Variants in PEAK1 observed in about 807,000 individuals in gnomAD.
PEAK1 encodes pseudopodium enriched atypical kinase 1.
A neutral mutation model predicts 124.7 loss-of-function variants in PEAK1; 54 were observed. The observed-to-expected ratio is 0.43, with a 90% CI of 0.35 to 0.54. The LOEUF (loss-of-function observed/expected upper bound fraction) is 0.54. PEAK1 is among the 20% of genes least tolerant of loss of function. The probability of loss-of-function intolerance (pLI) is 0.01; values close to 1 mark genes in which losing one functional copy is unlikely to be tolerated. For synonymous variants in PEAK1, 719 were observed against 760.0 expected, an observed-to-expected ratio of 0.95 and a Z score of 0.89; for missense variants, 2,046 against 2,134.5, an observed-to-expected ratio of 0.96 and a Z score of 0.82.
intron 1 of PEAK1, among the ~76,000 whole-genome samples, chr15:77,373,758 C>A (rs2068807686): frequency 6.6e-6 from 1 of 152,154 alleles, no homozygotes; most frequent in Admixed American, 6.5e-5. Context: ...CTCTTCATAG[C>A]CAAAGCACAG....
chr15:77,136,614 C>T (rs1158915077), intron 8 of PEAK1, among the ~76,000 whole-genome samples: 4 of 151,722 alleles, frequency 2.6e-5, no homozygotes, highest in Admixed American at 6.6e-5. Context: ...TGCAGTGAGC[C>T]GGGATCATGC....
At chr15:77,270,587 T>TTC (rs1187621723) in intron 5 of PEAK1, among the ~76,000 whole-genome samples, 4 of 152,244 alleles carry the variant, frequency 2.6e-5, no homozygotes, top group African/African-American at 9.6e-5. Context: ...TAAAGGACCT[T>TTC]TTCAAGGAGA....
At chr15:77,390,012 G>C (rs1198470751) in intron 1 of PEAK1, among the ~76,000 whole-genome samples, 1 of 152,192 alleles carries the variant, frequency 6.6e-6, no homozygotes, top group Non-Finnish European at 1.5e-5. Context: ...TAAGTGTTTT[G>C]TATTCATCAT....
At chr15:77,311,508 T>C (rs994141797) in intron 2 of PEAK1, among the ~76,000 whole-genome samples, 8 of 151,708 alleles carry the variant, frequency 5.3e-5, no homozygotes, top group Non-Finnish European at 1.2e-4. Flanking sequence ...AAACCCTGTC[T>C]CTACTAAAAA....
chr15:77,371,969 T>C (rs1009303325), intron 1 of PEAK1, among the ~76,000 whole-genome samples: 6 of 152,220 alleles, frequency 3.9e-5, no homozygotes, highest in African/African-American at 1.4e-4. Context: ...ACATAATGGG[T>C]ACTTTAAAAT....
chr15:77,305,091 T>A (rs1658052493), intron 2 of PEAK1, among the ~76,000 whole-genome samples: 1 of 149,998 alleles, frequency 6.7e-6, no homozygotes, highest in African/African-American at 2.5e-5. Context: ...TATAGTAAGT[T>A]GAGATTGAGC....
intron 6 of PEAK1, among the ~76,000 whole-genome samples, chr15:77,193,970 G>C (rs528557069): frequency 6.6e-6 from 1 of 152,196 alleles, no homozygotes; most frequent in African/African-American, 2.4e-5. Flanking sequence ...CTATATTCCA[G>C]AATTATACCT....
At chr15:77,142,869 T>C (rs1166758618) in intron 8 of PEAK1, among the ~76,000 whole-genome samples, 3 of 151,998 alleles carry the variant, frequency 2.0e-5, no homozygotes, top group African/African-American at 7.2e-5. Context: ...GGGTTTCTGT[T>C]TGGGATGATG....
At chr15:77,194,228 C>T (rs895228816) in intron 6 of PEAK1, among the ~76,000 whole-genome samples, 15 of 152,152 alleles carry the variant, frequency 9.9e-5, no homozygotes, top group African/African-American at 3.6e-4. Context: ...CCCTTTGACC[C>T]ATCTAGCTAT....
At chr15:77,169,920 C>A (rs1394595044) in intron 7 of PEAK1, among the ~76,000 whole-genome samples, 1 of 151,942 alleles carries the variant, frequency 6.6e-6, no homozygotes, top group African/African-American at 2.4e-5. Flanking sequence ...ATTAAGAGTT[C>A]TGTTTTGGAT....
chr15:77,370,464 G>A (rs2068563253), intron 1 of PEAK1, among the ~76,000 whole-genome samples: 1 of 152,160 alleles, frequency 6.6e-6, no homozygotes, highest in Admixed American at 6.5e-5. Flanking sequence ...AAAGAGCAGA[G>A]AAGAAAAAGG....
At chr15:77,201,568 C>T (rs1027566791) in intron 6 of PEAK1, among the ~76,000 whole-genome samples, 11 of 152,042 alleles carry the variant, frequency 7.2e-5, no homozygotes, top group Non-Finnish European at 1.5e-4. Flanking sequence ...CCACTGTTTT[C>T]CTATTTCCAA....
intron 1 of PEAK1, among the ~76,000 whole-genome samples, chr15:77,367,614 T>C (rs539696859): frequency 1.3e-5 from 2 of 152,348 alleles, no homozygotes; most frequent in Non-Finnish European, 2.9e-5. Flanking sequence ...TAAATTTGCA[T>C]AGAAGAGGCT....
chr15:77,153,432 A>C (rs1201449534), intron 8 of PEAK1, among the ~76,000 whole-genome samples: 1 of 152,106 alleles, frequency 6.6e-6, no homozygotes, highest in Non-Finnish European at 1.5e-5. Context: ...TTTCAAAAAA[A>C]CAGTTCCTGG....
intron 7 of PEAK1, among the ~76,000 whole-genome samples, chr15:77,169,119 G>A (rs1161874044): frequency 1.3e-5 from 2 of 152,078 alleles, no homozygotes; most frequent in African/African-American, 4.8e-5. Context: ...GGTGAGAAGG[G>A]GGCCTTGCTA....
intron 2 of PEAK1, among the ~76,000 whole-genome samples, chr15:77,317,241 A>G (rs922087006): frequency 6.6e-6 from 1 of 152,166 alleles, no homozygotes; most frequent in East Asian, 1.9e-4. Flanking sequence ...TTCATTTCCT[A>G]GTGTAAATAT....
intron 6 of PEAK1, among the ~76,000 whole-genome samples, chr15:77,182,749 C>CAAAAAAAAAAAAAAAAAAAAAAAAAAA (rs71143395): frequency 1.5e-5 from 1 of 65,144 alleles, no homozygotes; most frequent in African/African-American, 6.2e-5. Context: ...GACCTTGTCT[C>CAAAAAAAAAAAAAAAAAAAAAAAAAAA]AAAAAAAAAA....
intron 2 of PEAK1, among the ~76,000 whole-genome samples, chr15:77,303,476 T>C (rs2063897530): frequency 6.6e-6 from 1 of 152,188 alleles, no homozygotes; most frequent in Non-Finnish European, 1.5e-5. Context: ...ATTATTGTTT[T>C]AATTTGCAAT....
chr15:77,176,563 A>G (rs1364394156), intron 7 of PEAK1, among the ~76,000 whole-genome samples: 1 of 152,236 alleles, frequency 6.6e-6, no homozygotes, highest in Non-Finnish European at 1.5e-5. Flanking sequence ...TGATTCTGGA[A>G]CATGGTTAAA....
Sources: gnomAD v4.1 joint callset for allele counts (sites outside exome capture counted in the v4.1 genomes callset) on GRCh38, gnomAD v4.1.1 for gene constraint, MANE v1.5 for transcripts, NCBI Gene and HGNC (gene_info 2026-07-23, HGNC 2026-07-21) for gene names.